Variants in DOP1A observed in about 807,000 individuals in gnomAD.
The protein encoded by DOP1A is protein DOP1A.
In DOP1A, 90 loss-of-function variants were observed where a neutral mutation model predicts 267.6. The ratio of observed to expected loss-of-function variants is 0.34; its 90% CI spans 0.28 to 0.40. DOP1A has a LOEUF of 0.40. DOP1A is among the 10% of genes least tolerant of loss of function. DOP1A has a pLI of 1.00. For synonymous variants in DOP1A, 932 were observed against 999.1 expected, an observed-to-expected ratio of 0.93 and a Z score of 1.27; for missense variants, 2,437 against 2,900.4, an observed-to-expected ratio of 0.84 and a Z score of 3.67.
chr6:83,129,875 C>A (rs1186207793), intron 16 of DOP1A, among the ~76,000 whole-genome samples: 2 of 151,920 alleles, frequency 1.3e-5, no homozygotes, highest in Non-Finnish European at 1.5e-5. Flanking sequence ...GCTTATTGAT[C>A]AATATACTGT....
At chr6:83,158,707 A>G (rs1583174984) in intron 36 of DOP1A, 85 bp downstream of exon 36, 1 of 912,780 alleles carries the variant, frequency 1.1e-6, no homozygotes, top group East Asian at 2.7e-5. Context: ...AGGAGAATAT[A>G]GTCTTTTTCT....
At chr6:83,106,153 C>T (rs1354967511) in intron 4 of DOP1A, among the ~76,000 whole-genome samples, 1 of 152,128 alleles carries the variant, frequency 6.6e-6, no homozygotes, top group Non-Finnish European at 1.5e-5. Context: ...TTTTAAAGTT[C>T]TATAACCTAT....
chr6:83,073,661 A>G (rs537614348), intron 1 of DOP1A, among the ~76,000 whole-genome samples: 1 of 152,380 alleles, frequency 6.6e-6, no homozygotes, highest in African/African-American at 2.4e-5. Flanking sequence ...TTAAAACAGT[A>G]TCTCACACAA....
intron 21 of DOP1A, among the ~76,000 whole-genome samples, chr6:83,139,548 A>G (rs1336533705): frequency 1.3e-5 from 2 of 152,120 alleles, no homozygotes; most frequent in Non-Finnish European, 2.9e-5. Flanking sequence ...TTTCCATCCA[A>G]TTTTATTTCT....
chr6:83,110,573 C>A (rs956100820), intron 6 of DOP1A, among the ~76,000 whole-genome samples: 28 of 152,030 alleles, frequency 1.8e-4, no homozygotes, highest in Non-Finnish European at 4.0e-4. Context: ...AGCCAGATTC[C>A]GTATGGAATT....
chr6:83,075,863 A>T (rs1766996060), intron 1 of DOP1A, among the ~76,000 whole-genome samples: 3 of 152,216 alleles, frequency 2.0e-5, no homozygotes, highest in Admixed American at 2.0e-4. Flanking sequence ...AGACCTAAAG[A>T]TAAGACCTAA....
chr6:83,069,795 G>A (rs539370606), intron 1 of DOP1A, among the ~76,000 whole-genome samples: 3 of 152,092 alleles, frequency 2.0e-5, no homozygotes, highest in South Asian at 2.1e-4. Flanking sequence ...ATTCAAAATG[G>A]CATTTTGAGG....
rs546572839 is a variant in DOP1A, at chr6:83,137,476, C to T, written c.3434C>T (p.Pro1145Leu). 364 of 1,613,778 alleles carry T rather than the reference C, an allele frequency of 2.3e-4. 3 individuals are homozygous for T. The South Asian group carries it at 3.7e-3, about 16-fold the overall frequency. Reference protein sequence around the residue: ...EDSQMPKESSPDDDVQQVVFD... With the variant: ...EDSQMPKESSLDDDVQQVVFD... ...TCTCAAATGCCCAAGGAAAGCTCCC[C>T]AGATGATGATGTTCAACAGGTAGTA... Residue 1145 changes from proline (P) to leucine (L), a missense_variant, in exon 21 of 39, where the codon CCA (proline) becomes CTA (leucine). Physicochemically the swap from Pro to Leu is moderately conservative, Grantham distance 98. Transcript: ENST00000349129.
At chr6:83,075,364 A>G (rs536841903) in intron 1 of DOP1A, among the ~76,000 whole-genome samples, 8 of 152,164 alleles carry the variant, frequency 5.3e-5, no homozygotes, top group Non-Finnish European at 7.4e-5. Flanking sequence ...TTCAATTACA[A>G]TAAAGCAAGG....
rs112887902 is a variant in DOP1A, at chr6:83,126,664, G to A, written c.1719+931G>A. ...TAAAGAACGCTTTCTTGAGGAAGAC[G>A]TGTTTGAGTGAAGCCTTAGAGGAAT... On this transcript the variant is annotated intron_variant, in intron 15 of 38. Transcript: ENST00000349129. Among the ~76,000 whole-genome samples, 1,203 of 152,244 alleles carry A rather than the reference G, an allele frequency of 7.9e-3. 18 individuals carry two copies. Among genetic ancestry groups the A allele is most frequent in the African/African-American group, 0.028 (1,143 of 41,560 alleles).
intron 20 of DOP1A, 135 bp downstream of exon 20, chr6:83,136,013 C>G: frequency 9.8e-7 from 1 of 1,025,244 alleles, no homozygotes; most frequent in Admixed American, 2.5e-5. Flanking sequence ...TCCTCATGCA[C>G]TAGCAATGCT....
Position 83,118,300 on chromosome 6 carries a change from G to A in DOP1A, c.781-588G>A, listed in dbSNP as rs969780868. On this transcript the variant is annotated intron_variant, in intron 7 of 38. Transcript: ENST00000349129. ...ATCTCCTTTAATCATTTTTTTAAAC[G>A]TTGAATTAAGGATATTGGGAAAAAA... Among the ~76,000 whole-genome samples the A allele has an allele frequency of 1.2e-4, 18 of 151,754 alleles. No homozygotes were observed. The South Asian group carries it at 1.2e-3, about 11-fold the overall frequency.
rs544969842 is a variant in DOP1A, at chr6:83,119,564, T to C, written c.881-184T>C. Among the ~76,000 whole-genome samples the C allele has an allele frequency of 3.9e-5, 6 of 152,282 alleles. No individual in the cohort carries two copies. In the East Asian group the frequency reaches 1.2e-3, roughly 29 times the overall value. ...GGATAATTCTGGAAGAATACTATGA[T>C]ACTTATGTATTGAATTGGTTTCCCT... On this transcript the variant is annotated intron_variant, in intron 8 of 38. Coordinates refer to ENST00000349129, the MANE Select transcript of DOP1A (RefSeq NM_015018.4).
chr6:83,109,650 C>T (rs961770496), intron 5 of DOP1A, among the ~76,000 whole-genome samples: 4 of 152,098 alleles, frequency 2.6e-5, no homozygotes, highest in African/African-American at 9.7e-5. Context: ...ACTATTCAAA[C>T]AAAGTTATTT....
chr6:83,130,496 G>A, intron 17 of DOP1A, 99 bp downstream of exon 17: 1 of 1,430,658 alleles, frequency 7.0e-7, no homozygotes, highest in Non-Finnish European at 9.4e-7. Context: ...TGTTAATAAA[G>A]CTTCATTTAA....
At chr6:83,102,826 T>C (rs1260077277) in intron 4 of DOP1A, among the ~76,000 whole-genome samples, 1 of 152,260 alleles carries the variant, frequency 6.6e-6, no homozygotes. Context: ...ACTCTGACCC[T>C]GGCTTTGTCA....
chr6:83,156,345 A>G (rs1782783965), intron 34 of DOP1A, among the ~76,000 whole-genome samples: 1 of 152,164 alleles, frequency 6.6e-6, no homozygotes, highest in South Asian at 2.1e-4. Context: ...TTTCTTAGGA[A>G]TTCATGTTTG....
Position 83,121,954 on chromosome 6 carries a change from T to C in DOP1A, c.1124T>C (p.Leu375Pro). The change falls in exon 11 of 39, where the codon CTG (leucine) becomes CCG (proline). Residue 375 changes from leucine to proline, a missense_variant. By Grantham distance (98) the Leu-to-Pro change is moderately conservative. This residue lies in a region of DOP1A where 498 missense variants were observed against 513.5 expected (regional missense o/e 0.97). Transcript: ENST00000349129. ...ELGPVILEDV[L>P]IEVFRTLYSQ... ...GGACCTGTAATTCTAGAAGATGTCCTGATTGAAGTGTTTAGAACATTATAT... is the reference window on the plus strand; with the variant it reads ...GGACCTGTAATTCTAGAAGATGTCCCGATTGAAGTGTTTAGAACATTATAT... 1 of 1,608,016 alleles carries C rather than the reference T, an allele frequency of 6.2e-7. No homozygotes were observed.
chr6:83,079,827 C>G (rs1255532914), intron 1 of DOP1A, among the ~76,000 whole-genome samples: 1 of 152,080 alleles, frequency 6.6e-6, no homozygotes, highest in Non-Finnish European at 1.5e-5. Flanking sequence ...AAGGTACTTT[C>G]TGATGAAAAT....
Sources: allele counts gnomAD v4.1 joint callset (sites outside exome capture counted in the v4.1 genomes callset), GRCh38; gene constraint gnomAD v4.1.1; regional missense constraint gnomAD v4.1.1; transcripts MANE v1.5; gene names NCBI Gene and HGNC (gene_info 2026-07-23, HGNC 2026-07-21).